The following BBX variants were observed in gnomAD, a reference collection of about 807,000 sequenced individuals.
BBX encodes HMG box transcription factor BBX.
A neutral mutation model predicts 100.2 loss-of-function variants in BBX; 30 were observed. The observed-to-expected ratio is 0.30, with a 90% confidence interval of 0.22 to 0.41. BBX has a LOEUF of 0.41. BBX is among the 10% of genes least tolerant of loss of function. BBX has a pLI of 1.00. For synonymous variants in BBX, 376 were observed against 388.1 expected (o/e 0.97, Z 0.37); for missense variants, 1,023 against 1,129.8 (o/e 0.91, Z 1.35).
At chr3:107,693,140 T>C (rs1450957379) in intron 3 of BBX, among the ~76,000 whole-genome samples, 1 of 149,442 alleles carries the variant, frequency 6.7e-6, no homozygotes, top group African/African-American at 2.5e-5. Flanking sequence ...TTCTCCCATT[T>C]TGTAGGTTGC....
In BBX at chr3:107,623,201, C is replaced by T. The variant is rs1279076144; in HGVS notation, c.-83-22635C>T. ...TGCTGTACAGTTTCCATGATTGTGCCCCTACCTGGGGACAAGCAGTGGGAT... is the reference window on the plus strand; with the variant it reads ...TGCTGTACAGTTTCCATGATTGTGCTCCTACCTGGGGACAAGCAGTGGGAT... On this transcript the variant is annotated intron_variant, in intron 2 of 17. Transcript: ENST00000325805. Among the ~76,000 whole-genome samples the T allele has an allele frequency of 2.0e-5, 3 of 152,210 alleles. No homozygotes were observed. The East Asian group carries it at 5.8e-4, about 29-fold the overall frequency.
chr3:107,745,417 T>TG (rs2107614590), intron 8 of BBX, among the ~76,000 whole-genome samples: 1 of 152,302 alleles, frequency 6.6e-6, no homozygotes, highest in African/African-American at 2.4e-5. Context: ...TCCTTCCTGG[T>TG]GTTTGCCCAA....
chr3:107,738,827 T>A (rs188578565), intron 7 of BBX, among the ~76,000 whole-genome samples: 19 of 152,316 alleles, frequency 1.2e-4, no homozygotes, highest in African/African-American at 4.6e-4. Flanking sequence ...TGACATTGAG[T>A]ATCTCATTCT....
chr3:107,667,684 CTTA>C (rs1373966018), intron 3 of BBX, among the ~76,000 whole-genome samples: 3 of 151,740 alleles, frequency 2.0e-5, no homozygotes, highest in South Asian at 2.1e-4. Context: ...ATTTTTTACT[CTTA>C]TTATCTATTA....
Position 107,747,967 on chromosome 3 carries a change from A to G in BBX, c.753A>G (p.Ile251Met). The change falls in exon 9 of 18, where the codon ATA becomes ATG. Residue 251 changes from isoleucine to methionine, a missense_variant and splice_region_variant. Ile to Met is a conservative substitution (Grantham distance 10). This residue lies in a region of BBX where 95 missense variants were observed against 95.1 expected (regional missense o/e 1.00). Transcript: ENST00000325805. ...AAAAATTGCTTGTTTCCTTTCAGAT[A>G]TCTTCAAGTACGTCCCACTCTGATG... ...QKSPLFQFAE[I>M]SSSTSHSDAS... The G allele has an allele frequency of 2.5e-6, 4 of 1,610,480 alleles. No individual in the cohort carries two copies. Among genetic ancestry groups the G allele is most frequent in the Non-Finnish European group, 3.4e-6 (4 of 1,178,378 alleles).
intron 3 of BBX, among the ~76,000 whole-genome samples, chr3:107,652,979 C>T (rs902308849): frequency 2.6e-5 from 4 of 152,124 alleles, no homozygotes; most frequent in African/African-American, 9.7e-5. Flanking sequence ...TTAGAAATAG[C>T]ATCTGGTACA....
At chr3:107,734,815 C>G (rs2063538140) in intron 7 of BBX, among the ~76,000 whole-genome samples, 1 of 152,116 alleles carries the variant, frequency 6.6e-6, no homozygotes, top group South Asian at 2.1e-4. Flanking sequence ...AGTTCTCCTA[C>G]TCCTTCTTAA....
intron 11 of BBX, 95 bp from the exon 12 acceptor site, chr3:107,774,624 T>C (rs1157619101): frequency 3.0e-6 from 4 of 1,320,422 alleles, no homozygotes; most frequent in African/African-American, 1.5e-5. Context: ...GCAAATGATA[T>C]GCAAGCAGTC....
At chr3:107,716,547 T>G in intron 4 of BBX, 60 bp from the exon 5 acceptor site, 1 of 1,577,370 alleles carries the variant, frequency 6.3e-7, no homozygotes, top group South Asian at 1.1e-5. Flanking sequence ...CAAGACTAAC[T>G]GTTAAATCAA....
intron 2 of BBX, among the ~76,000 whole-genome samples, chr3:107,643,533 G>A (rs1276207787): frequency 6.6e-6 from 1 of 152,084 alleles, no homozygotes; most frequent in African/African-American, 2.4e-5. Context: ...GTGATTGGGG[G>A]TTGAAAGTAA....
intron 10 of BBX, among the ~76,000 whole-genome samples, chr3:107,763,226 CT>C (rs10708684): frequency 0.37 from 51,352 of 137,284 alleles, 9,889 homozygotes; most frequent in East Asian, 0.91. Flanking sequence ...GTGGTATTAC[CT>C]TTTTTTTTTT....
At chr3:107,589,740 C>A (rs1285992610) in intron 2 of BBX, among the ~76,000 whole-genome samples, 1 of 152,212 alleles carries the variant, frequency 6.6e-6, no homozygotes, top group Non-Finnish European at 1.5e-5. Flanking sequence ...ATTACTCAAG[C>A]ACAGAAATAA....
intron 7 of BBX, among the ~76,000 whole-genome samples, chr3:107,733,838 C>T (rs2063473963): frequency 6.6e-6 from 1 of 152,144 alleles, no homozygotes; most frequent in African/African-American, 2.4e-5. Flanking sequence ...AGTTATTGGA[C>T]TGCTTTGGCT....
At chr3:107,673,525 G>A (rs2059128300) in intron 3 of BBX, among the ~76,000 whole-genome samples, 1 of 152,022 alleles carries the variant, frequency 6.6e-6, no homozygotes, top group Non-Finnish European at 1.5e-5. Flanking sequence ...CTTTTTAACA[G>A]TTGTATAATT....
intron 2 of BBX, among the ~76,000 whole-genome samples, chr3:107,571,221 C>T (rs1023062554): frequency 1.3e-5 from 2 of 151,910 alleles, no homozygotes; most frequent in Non-Finnish European, 2.9e-5. Flanking sequence ...AGCCCTGGGA[C>T]GCAATGTGGG....
At chr3:107,591,794 C>A (rs1213874257) in intron 2 of BBX, among the ~76,000 whole-genome samples, 1 of 152,174 alleles carries the variant, frequency 6.6e-6, no homozygotes, top group Admixed American at 6.5e-5. Flanking sequence ...GTAAATGTTA[C>A]ATCTACTAAA....
At chr3:107,533,376 T>C (rs1226104252) in intron 2 of BBX, among the ~76,000 whole-genome samples, 28 of 152,232 alleles carry the variant, frequency 1.8e-4, no homozygotes, top group Admixed American at 1.6e-3. Context: ...CAATTTAAGT[T>C]CCTTGCCAGC....
intron 7 of BBX, among the ~76,000 whole-genome samples, chr3:107,738,594 A>G (rs956520448): frequency 6.6e-6 from 1 of 152,224 alleles, no homozygotes; most frequent in Non-Finnish European, 1.5e-5. Context: ...GTGAGGCTAC[A>G]AAGTGGCAGA....
chr3:107,572,575 T>A (rs1188954302), intron 2 of BBX, among the ~76,000 whole-genome samples: 1 of 152,180 alleles, frequency 6.6e-6, no homozygotes, highest in Non-Finnish European at 1.5e-5. Flanking sequence ...CAGATTCTTT[T>A]AGAAAAAGGT....
Sources: gnomAD v4.1 joint callset for allele counts (sites outside exome capture counted in the v4.1 genomes callset) on GRCh38, gnomAD v4.1.1 for gene constraint, gnomAD v4.1.1 regional missense constraint, MANE v1.5 for transcripts, NCBI Gene and HGNC (gene_info 2026-07-23, HGNC 2026-07-21) for gene names.